P2RY12: variants seen among roughly 807,000 people sequenced by gnomAD.
P2RY12 encodes the protein purinergic receptor P2Y12.
Under a neutral mutation model 4.5 loss-of-function variants are expected in P2RY12, and 3 were observed. The ratio of observed to expected loss-of-function variants is 0.67; its 90% confidence interval spans 0.31 to 1.74. P2RY12 has a LOEUF of 1.74. P2RY12 is among the 40% of genes most tolerant of loss of function. The pLI, the probability that P2RY12 is intolerant of heterozygous loss-of-function variation, is 0.09. For missense variants in P2RY12, 356 were observed against 407.8 expected (o/e 0.87, Z 1.09); for synonymous variants, 148 against 154.1 (o/e 0.96, Z 0.29).
intron 1 of P2RY12, chr3:151,383,853 C>A (rs1216618018): frequency 1.2e-6 from 2 of 1,613,904 alleles, no homozygotes; most frequent in Non-Finnish European, 1.7e-6. Flanking sequence ...TCCTTCAGAT[C>A]ATTACTTCAG....
chr3:151,346,518 A>G (rs768833630), intron 1 of P2RY12, among the ~76,000 whole-genome samples: 19 of 152,020 alleles, frequency 1.2e-4, no homozygotes, highest in Non-Finnish European at 2.4e-4. Context: ...TTCTCCTTTG[A>G]GGTTCACACA....
At chr3:151,364,537 G>C (rs1016473153) in intron 1 of P2RY12, among the ~76,000 whole-genome samples, 1 of 152,100 alleles carries the variant, frequency 6.6e-6, no homozygotes, top group Non-Finnish European at 1.5e-5. Context: ...CTTCTACTGC[G>C]TACACTATAC....
At chr3:151,372,869 C>A in intron 1 of P2RY12, 1 of 784,210 alleles carries the variant, frequency 1.3e-6, no homozygotes, top group Non-Finnish European at 2.0e-6. Flanking sequence ...GCCTTTTTTT[C>A]TTGCTCACTT....
intron 1 of P2RY12, among the ~76,000 whole-genome samples, chr3:151,354,140 CA>C (rs63033360): frequency 0.22 from 13,812 of 61,716 alleles, 189 homozygotes; most frequent in South Asian, 0.28. Context: ...GACTCCGTCT[CA>C]AAAAAAAAAA....
intron 1 of P2RY12, chr3:151,356,087 C>T: frequency 1.3e-6 from 2 of 1,577,240 alleles, no homozygotes; most frequent in African/African-American, 1.4e-5. Context: ...GCAAATCCAC[C>T]AGGCATTGTG....
In P2RY12 at chr3:151,338,770, C is replaced by G; in HGVS notation, c.76G>C (p.Val26Leu). Residue 26 changes from valine to leucine, a missense_variant, in exon 3 of 3, where the codon GTC becomes CTC. Val to Leu is a conservative substitution (Grantham distance 32). Transcript: ENST00000302632. ...ACAGTGTAGAGCAGTGGGAAGAGGA[C>G]CTGGGTGATTTTGTAGTCTCTGGTG... Reference protein sequence around the residue: ...LCTRDYKITQVLFPLLYTVLF... With the variant: ...LCTRDYKITQLLFPLLYTVLF... 1 of 1,613,604 alleles carries G rather than the reference C, an allele frequency of 6.2e-7. No individual in the cohort carries two copies. The highest frequency in any genetic ancestry group is 8.5e-7 in the Non-Finnish European group (1 of 1,179,862).
At chr3:151,371,408 A>G (rs1406787032) in intron 1 of P2RY12, among the ~76,000 whole-genome samples, 1 of 152,222 alleles carries the variant, frequency 6.6e-6, no homozygotes, top group Admixed American at 6.5e-5. Context: ...GAAGTGATCT[A>G]TTAAATGAAA....
At chr3:151,373,027 A>G (rs1756382530) in intron 1 of P2RY12, among the ~76,000 whole-genome samples, 1 of 151,974 alleles carries the variant, frequency 6.6e-6, no homozygotes, top group African/African-American at 2.4e-5. Context: ...GCATATACCT[A>G]TTTTTTCTGA....
At chr3:151,375,192 A>G (rs553698082) in intron 1 of P2RY12, among the ~76,000 whole-genome samples, 1 of 152,328 alleles carries the variant, frequency 6.6e-6, no homozygotes, top group Admixed American at 6.5e-5. Context: ...GTTTGACTTA[A>G]TTAGTCTGAT....
intron 1 of P2RY12, among the ~76,000 whole-genome samples, chr3:151,352,953 A>G (rs1004486522): frequency 2.6e-5 from 4 of 152,230 alleles, no homozygotes; most frequent in African/African-American, 7.2e-5. Context: ...TATATTGACT[A>G]TAATGTTACT....
At chr3:151,378,920 A>G (rs954664252) in intron 1 of P2RY12, among the ~76,000 whole-genome samples, 7 of 152,236 alleles carry the variant, frequency 4.6e-5, no homozygotes, top group Admixed American at 1.3e-4. Flanking sequence ...GAGCTTTTAA[A>G]ATTCTTATAG....
intron 1 of P2RY12, among the ~76,000 whole-genome samples, chr3:151,363,612 C>T (rs1214826755): frequency 6.6e-6 from 1 of 152,162 alleles, no homozygotes; most frequent in Non-Finnish European, 1.5e-5. Context: ...ACAACCAACA[C>T]ATTTTTTAAA....
intron 1 of P2RY12, chr3:151,356,073 G>C (rs866355665): frequency 1.3e-6 from 2 of 1,592,202 alleles, no homozygotes; most frequent in South Asian, 1.1e-5. Flanking sequence ...TTACTTTTAG[G>C]AAAGCAAATC....
chr3:151,358,912 G>A (rs571247888), intron 1 of P2RY12, among the ~76,000 whole-genome samples: 3 of 152,138 alleles, frequency 2.0e-5, no homozygotes, highest in East Asian at 1.9e-4. Context: ...ATAATTTTTC[G>A]CTTTATAGAT....
intron 1 of P2RY12, chr3:151,377,985 C>T (rs368660319): frequency 3.5e-5 from 54 of 1,554,414 alleles, no homozygotes; most frequent in South Asian, 2.7e-4. Context: ...ATGCTTTCTC[C>T]GGTGTAACAC....
At chr3:151,376,008 T>A in intron 1 of P2RY12, 1 of 1,458,390 alleles carries the variant, frequency 6.9e-7, no homozygotes, top group East Asian at 2.4e-5. Context: ...GTCAATCTAA[T>A]TGCCATATTA....
At chr3:151,349,287 G>C (rs1200138484) in intron 1 of P2RY12, among the ~76,000 whole-genome samples, 2 of 152,166 alleles carry the variant, frequency 1.3e-5, no homozygotes, top group East Asian at 1.9e-4. Flanking sequence ...TGTGCCTATG[G>C]GGTGGTGGTG....
chr3:151,357,409 A>G (rs1193796744), intron 1 of P2RY12: 1 of 1,530,388 alleles, frequency 6.5e-7, no homozygotes, highest in Non-Finnish European at 8.8e-7. Context: ...TTGTTTTTCC[A>G]ATCTCAGAAT....
intron 1 of P2RY12, among the ~76,000 whole-genome samples, chr3:151,370,453 A>C (rs1756034273): frequency 6.6e-6 from 1 of 152,202 alleles, no homozygotes; most frequent in African/African-American, 2.4e-5. Context: ...GAAGGATAAC[A>C]GAATTTTCAT....
Sources: allele counts gnomAD v4.1 joint callset (sites outside exome capture counted in the v4.1 genomes callset), GRCh38; gene constraint gnomAD v4.1.1; transcripts MANE v1.5; gene names NCBI Gene and HGNC (gene_info 2026-07-23, HGNC 2026-07-21).